Variants in FBXO15 observed in about 807,000 individuals in gnomAD.
FBXO15 encodes the protein F-box protein 15, also known as F-box only protein 15.
Under a neutral mutation model 49.5 loss-of-function variants are expected in FBXO15, and 30 were observed. The observed-to-expected ratio is 0.61, with a 90% CI of 0.45 to 0.82. The LOEUF (loss-of-function observed/expected upper bound fraction) is 0.82, where lower values mean the gene tolerates loss of function less well. FBXO15 is among the 40% of genes least tolerant of loss of function. The probability of loss-of-function intolerance (pLI) is 0.00; values close to 1 mark genes in which losing one functional copy is unlikely to be tolerated. For missense variants in FBXO15, 591 were observed against 631.5 expected (o/e 0.94, Z 0.69); for synonymous variants, 250 against 232.7 (o/e 1.07, Z -0.68).
intron 1 of FBXO15, among the ~76,000 whole-genome samples, chr18:74,143,836 A>G (rs1979236856): frequency 6.6e-6 from 1 of 152,190 alleles, no homozygotes. Flanking sequence ...TTAAACTGCA[A>G]TCCAGTCCCC....
intron 8 of FBXO15, among the ~76,000 whole-genome samples, chr18:74,114,666 CT>C (rs1417491244): frequency 6.6e-6 from 1 of 152,198 alleles, no homozygotes; most frequent in Non-Finnish European, 1.5e-5. Flanking sequence ...TAGCAAAATA[CT>C]TCTTCATCTA....
chr18:74,132,937 C>A (rs1978485595), intron 3 of FBXO15, among the ~76,000 whole-genome samples: 1 of 152,228 alleles, frequency 6.6e-6, no homozygotes, highest in African/African-American at 2.4e-5. Context: ...GGATGGGGCA[C>A]TGGGGAGCCC....
In FBXO15 at chr18:74,133,983, T is replaced by A. The variant is rs570786108; in HGVS notation, c.332+1779A>T. Among the ~76,000 whole-genome samples the A allele has an allele frequency of 3.3e-5, 5 of 152,166 alleles. No homozygotes were observed. The South Asian group carries it at 1.0e-3, about 32-fold the overall frequency. ...CATGAGGCTTGGGGAAACAAACAAA[T>A]CTCAACTACGTAAACTACAACAATC... On this transcript the variant is annotated intron_variant, in intron 3 of 9. Coordinates refer to ENST00000419743, the MANE Select transcript of FBXO15 (RefSeq NM_001142958.2).
intron 8 of FBXO15, among the ~76,000 whole-genome samples, chr18:74,103,403 T>C (rs1913609426): frequency 6.6e-6 from 1 of 151,450 alleles, no homozygotes. Context: ...CCAAGTCTAA[T>C]AACTATTGGT....
At chr18:74,081,852 T>C (rs1367996422) in intron 9 of FBXO15, 75 bp downstream of exon 9, 3 of 1,006,992 alleles carry the variant, frequency 3.0e-6, no homozygotes, top group Non-Finnish European at 4.2e-6. Flanking sequence ...GACAATATAA[T>C]TTATATATAT....
At chr18:74,131,682 C>T (rs1053938095) in intron 3 of FBXO15, among the ~76,000 whole-genome samples, 3 of 152,224 alleles carry the variant, frequency 2.0e-5, no homozygotes, top group African/African-American at 4.8e-5. Context: ...ACAGGGAAAA[C>T]TGAGGCAGCG....
intron 8 of FBXO15, among the ~76,000 whole-genome samples, chr18:74,116,186 T>C (rs895862878): frequency 6.6e-6 from 1 of 152,328 alleles, no homozygotes; most frequent in African/African-American, 2.4e-5. Context: ...GTTGGGGACA[T>C]GCAGGCTGCT....
chr18:74,141,112 G>A (rs1228232146), intron 1 of FBXO15, among the ~76,000 whole-genome samples: 3 of 152,128 alleles, frequency 2.0e-5, no homozygotes, highest in Admixed American at 2.0e-4. Context: ...TAGAATGAAT[G>A]GTTTTTTAGA....
At chr18:74,131,245 T>C (rs954331827) in intron 3 of FBXO15, among the ~76,000 whole-genome samples, 1 of 152,262 alleles carries the variant, frequency 6.6e-6, no homozygotes, top group Non-Finnish European at 1.5e-5. Context: ...AAGCATCGTT[T>C]AACCACTTTA....
chr18:74,140,066 T>C (rs1978968971), intron 2 of FBXO15, 136 bp downstream of exon 2: 1 of 608,786 alleles, frequency 1.6e-6, no homozygotes, highest in Non-Finnish European at 2.7e-6. Context: ...AAATGCTCCA[T>C]GCTGTACTGT....
At chr18:74,132,491 T>A (rs1198395144) in intron 3 of FBXO15, among the ~76,000 whole-genome samples, 1 of 152,224 alleles carries the variant, frequency 6.6e-6, no homozygotes, top group Admixed American at 6.5e-5. Context: ...TAACCACAAC[T>A]AACATTCGTA....
intron 5 of FBXO15, among the ~76,000 whole-genome samples, chr18:74,128,242 A>C (rs1676698129): frequency 6.6e-6 from 1 of 152,096 alleles, no homozygotes; most frequent in Non-Finnish European, 1.5e-5. Context: ...CATTCAGAGC[A>C]TGGGAAGAGA....
At chr18:74,115,821 C>A (rs1223929779) in intron 8 of FBXO15, among the ~76,000 whole-genome samples, 1 of 152,124 alleles carries the variant, frequency 6.6e-6, no homozygotes, top group African/African-American at 2.4e-5. Context: ...GGTTTATGTA[C>A]ACAAAAATAA....
chr18:74,120,995 A>G (rs1417760576), intron 8 of FBXO15, among the ~76,000 whole-genome samples: 2 of 152,182 alleles, frequency 1.3e-5, no homozygotes, highest in African/African-American at 4.8e-5. Context: ...TCATGTCACT[A>G]GATTCTATAG....
intron 4 of FBXO15, 27 bp downstream of exon 4, chr18:74,130,389 C>T: frequency 1.2e-6 from 2 of 1,611,930 alleles, no homozygotes; most frequent in Non-Finnish European, 1.7e-6. Flanking sequence ...CTGATGCCAT[C>T]ATTCTCTTTT....
chr18:74,128,227 T>C (rs1978297490), intron 5 of FBXO15, among the ~76,000 whole-genome samples: 1 of 151,918 alleles, frequency 6.6e-6, no homozygotes, highest in Non-Finnish European at 1.5e-5. Flanking sequence ...GTCTGAATAG[T>C]CTTACATTCA....
In FBXO15 at chr18:74,147,703, G is replaced by A. The variant is rs1979538366; in HGVS notation, c.83C>T (p.Ala28Val). ...AAAGGCCCTGGCGCGCCCCCGGGCCGCGCCACCGCCCCTGCTGGGCCCGCG... is the reference window on the plus strand; with the variant it reads ...AAAGGCCCTGGCGCGCCCCCGGGCCACGCCACCGCCCCTGCTGGGCCCGCG... The part of the protein sequence containing the change: ...TLRGPSRGGG[A>V]ARGRARAFGC... Residue 28 changes from alanine to valine, a missense_variant, in exon 1 of 10, where the codon GCG becomes GTG. Ala to Val is a moderately conservative substitution (Grantham distance 64). Coordinates refer to ENST00000419743, the MANE Select transcript of FBXO15 (RefSeq NM_001142958.2). The A allele has an allele frequency of 3.3e-6, 5 of 1,520,464 alleles. No individual in the cohort carries two copies. The highest frequency in any genetic ancestry group is 1.4e-5 in the African/African-American group (1 of 70,872). 94.2% of individuals were successfully genotyped at this position (1,520,464 alleles called of 1,614,324 possible).
chr18:74,093,063 G>A (rs916944982), intron 8 of FBXO15, among the ~76,000 whole-genome samples: 3 of 152,180 alleles, frequency 2.0e-5, no homozygotes. Context: ...CATACCAGCA[G>A]AAGTGGCAAC....
At chr18:74,129,701 A>G (rs1431475178) in intron 4 of FBXO15, 87 bp from the exon 5 acceptor site, 19 of 1,108,834 alleles carry the variant, frequency 1.7e-5, no homozygotes, top group Non-Finnish European at 2.4e-5. Context: ...TCTCTAAAGC[A>G]TCTAGTTCCT....
Sources: allele counts gnomAD v4.1 joint callset (sites outside exome capture counted in the v4.1 genomes callset), GRCh38; gene constraint gnomAD v4.1.1; transcripts MANE v1.5; gene names NCBI Gene and HGNC (gene_info 2026-07-23, HGNC 2026-07-21).